Variants in ZNF169 observed in about 807,000 individuals in gnomAD.
ZNF169 encodes the protein zinc finger protein 169.
ZNF169 carries 11 observed loss-of-function variants against 12.0 expected under a neutral mutation model. The ratio of observed to expected loss-of-function variants is 0.92; its 90% CI spans 0.58 to 1.52. The LOEUF (loss-of-function observed/expected upper bound fraction) is 1.52. Among genes scored for constraint, ZNF169 ranks in the 40% most tolerant of loss-of-function variants. ZNF169 has a pLI of 0.00. For missense variants in ZNF169, 722 were observed against 744.0 expected, an observed-to-expected ratio of 0.97 and a Z score of 0.34; for synonymous variants, 302 against 286.5, an observed-to-expected ratio of 1.05 and a Z score of -0.55.
chr9:94,283,752 A>G (rs2118611783), intron 2 of ZNF169, among the ~76,000 whole-genome samples: 1 of 152,274 alleles, frequency 6.6e-6, no homozygotes, highest in Non-Finnish European at 1.5e-5. Context: ...AGAGAATATC[A>G]GTATAGAAAA....
At chr9:94,265,342 G>T (rs1366617103) in intron 1 of ZNF169, among the ~76,000 whole-genome samples, 1 of 152,102 alleles carries the variant, frequency 6.6e-6, no homozygotes, top group South Asian at 2.1e-4. Context: ...CACTTTGGGA[G>T]GCTGAGGCAG....
chr9:94,274,627 G>A (rs539878568), intron 1 of ZNF169, among the ~76,000 whole-genome samples: 53 of 152,092 alleles, frequency 3.5e-4, no homozygotes, highest in Non-Finnish European at 6.8e-4. Context: ...CTAACCTGCC[G>A]CACATCAGAG....
intron 2 of ZNF169, among the ~76,000 whole-genome samples, chr9:94,282,792 T>C (rs1830664026): frequency 6.6e-6 from 1 of 152,222 alleles, no homozygotes; most frequent in South Asian, 2.1e-4. Context: ...TTGTGTAAGA[T>C]TCCTGGTTTA....
intron 4 of ZNF169, among the ~76,000 whole-genome samples, chr9:94,297,192 G>T (rs999442224): frequency 1.3e-5 from 2 of 152,096 alleles, no homozygotes; most frequent in African/African-American, 4.8e-5. Flanking sequence ...GATTGGGATC[G>T]AGTTGAATCT....
At position 94,292,954 on chromosome 9, in the gene ZNF169, T is replaced by G. The variant is rs79259753; in HGVS notation, c.161-20T>G. On this transcript the variant is annotated intron_variant, in intron 3 of 4. Coordinates refer to ENST00000395395, the MANE Select transcript of ZNF169 (RefSeq NM_194320.4). Reference sequence around the variant, plus strand: ...AGCCACTAACTCAAGATCACCTTGGTTTTTTTTTCCTGTGAGTAGGAATTG... The same window carrying G: ...AGCCACTAACTCAAGATCACCTTGGGTTTTTTTTCCTGTGAGTAGGAATTG... 243 of 1,580,480 alleles carry G rather than the reference T, an allele frequency of 1.5e-4. No homozygotes were observed. Among genetic ancestry groups the G allele is most frequent in the Non-Finnish European group, 1.9e-4 (225 of 1,157,852 alleles).
intron 2 of ZNF169, among the ~76,000 whole-genome samples, chr9:94,281,730 G>A (rs906897374): frequency 5.3e-5 from 8 of 152,104 alleles, no homozygotes; most frequent in Non-Finnish European, 1.0e-4. Flanking sequence ...TCAGAAAGGC[G>A]GGACAACTCA....
chr9:94,286,876 C>T (rs1380970763), intron 2 of ZNF169, among the ~76,000 whole-genome samples: 1 of 152,168 alleles, frequency 6.6e-6, no homozygotes, highest in African/African-American at 2.4e-5. Flanking sequence ...AGAAAAGACA[C>T]AGTGAACCCA....
At chr9:94,296,671 C>A in intron 4 of ZNF169, 1 of 377,204 alleles carries the variant, frequency 2.7e-6, no homozygotes, top group Non-Finnish European at 5.2e-6. Flanking sequence ...ATCAGTTGAC[C>A]ATATGTGATA....
chr9:94,292,808 C>G (rs1830871560), intron 3 of ZNF169, among the ~76,000 whole-genome samples, 166 bp from the exon 4 acceptor site: 1 of 151,966 alleles, frequency 6.6e-6, no homozygotes, highest in Admixed American at 6.6e-5. Context: ...TCTAGGATCC[C>G]CTCCCTGTAT....
chr9:94,288,556 C>G, intron 2 of ZNF169: 1 of 490,104 alleles, frequency 2.0e-6, no homozygotes, highest in South Asian at 1.8e-5. Flanking sequence ...GCCATCTTCT[C>G]AGAGGTGGCG....
intron 4 of ZNF169, chr9:94,293,712 C>T (rs12338855): frequency 0.075 from 11,419 of 152,868 alleles, 584 homozygotes; most frequent in Middle Eastern, 0.13. Context: ...TGAGCCACCA[C>T]GCCCAGCCAG....
Position 94,285,785 on chromosome 9 carries a change from G to A in ZNF169, c.34-6556G>A, listed in dbSNP as rs184044938. ...AGCACTTTGGGAGGCTGAAGTGGGC[G>A]GGTCACCTGAGGTCGGGCGTTCGAG... On this transcript the variant is annotated intron_variant, in intron 2 of 4. Coordinates refer to ENST00000395395, the MANE Select transcript of ZNF169 (RefSeq NM_194320.4). Among the ~76,000 whole-genome samples the A allele has an allele frequency of 4.0e-3, 604 of 152,198 alleles. 23 individuals carry two copies. Among genetic ancestry groups the A allele is most frequent in the Admixed American group, 0.036 (545 of 15,284 alleles).
intron 4 of ZNF169, among the ~76,000 whole-genome samples, chr9:94,298,285 AT>A (rs1830989392): frequency 6.6e-6 from 1 of 152,192 alleles, no homozygotes; most frequent in Admixed American, 6.5e-5. Context: ...AAAATGCCTT[AT>A]TTTTCTCTTA....
intron 2 of ZNF169, among the ~76,000 whole-genome samples, chr9:94,283,226 C>A (rs561332432): frequency 6.6e-6 from 1 of 151,894 alleles, no homozygotes; most frequent in African/African-American, 2.4e-5. Flanking sequence ...CTGGCTAACA[C>A]GGTGAAACTC....
intron 2 of ZNF169, chr9:94,287,690 G>T (rs749006539): frequency 9.4e-7 from 1 of 1,069,282 alleles, no homozygotes; most frequent in South Asian, 1.2e-5. Context: ...TAAACAATAC[G>T]GTGTTCATTT....
intron 1 of ZNF169, among the ~76,000 whole-genome samples, chr9:94,269,942 C>G (rs1830361710): frequency 6.6e-6 from 1 of 152,134 alleles, no homozygotes; most frequent in Non-Finnish European, 1.5e-5. Context: ...CCTGCTAAAT[C>G]AGGAGGTTTG....
intron 1 of ZNF169, among the ~76,000 whole-genome samples, chr9:94,261,231 G>A (rs1178739688): frequency 1.3e-5 from 2 of 151,996 alleles, no homozygotes; most frequent in African/African-American, 2.4e-5. Context: ...TACCATGTTG[G>A]CTAGGATGGT....
chr9:94,287,983 ACT>A (rs1392219005), intron 2 of ZNF169: 3 of 804,048 alleles, frequency 3.7e-6, no homozygotes, highest in Non-Finnish European at 6.7e-6. Flanking sequence ...GAGCTGCCAA[ACT>A]CTGTCCCATC....
At chr9:94,299,717 A>G (rs1421324041) in intron 4 of ZNF169, 98 bp from the exon 5 acceptor site, 1 of 1,501,986 alleles carries the variant, frequency 6.7e-7, no homozygotes, top group Admixed American at 2.4e-5. Context: ...GGGTTGGAAG[A>G]TAAGTCTTTG....
Sources: gnomAD v4.1 joint callset for allele counts (sites outside exome capture counted in the v4.1 genomes callset) on GRCh38, gnomAD v4.1.1 for gene constraint, MANE v1.5 for transcripts, NCBI Gene and HGNC (gene_info 2026-07-23, HGNC 2026-07-21) for gene names.